Variants in MRPL30 observed in about 807,000 individuals in gnomAD.
MRPL30 encodes the protein mitochondrial ribosomal protein L30.
In MRPL30, 10 loss-of-function variants were observed where a neutral mutation model predicts 17.2. The observed-to-expected ratio is 0.58, with a 90% confidence interval of 0.36 to 0.99. The LOEUF is 0.99. Among genes scored for constraint, MRPL30 ranks in the 50% least tolerant of loss-of-function variants. The probability of loss-of-function intolerance (pLI) is 0.01; values close to 1 mark genes in which losing one functional copy is unlikely to be tolerated. For missense variants in MRPL30, 170 were observed against 189.8 expected, an observed-to-expected ratio of 0.90 and a Z score of 0.61; for synonymous variants, 61 against 62.1, an observed-to-expected ratio of 0.98 and a Z score of 0.08.
chr2:99,194,938 G>C, intron 4 of MRPL30, 41 bp downstream of exon 4: 7 of 1,496,478 alleles, frequency 4.7e-6, no homozygotes, highest in Non-Finnish European at 6.3e-6. Flanking sequence ...TGTTTACATT[G>C]CTTTAAATTT....
rs1278843260 is a variant in MRPL30 at position 99,196,088 on chromosome 2, A to G, written c.*383A>G. 5.4e-6 allele frequency: 1 copy of G among 184,042 alleles called. No homozygotes were observed. The highest frequency in any genetic ancestry group is 1.9e-4 in the East Asian group (1 of 5,338). 11.4% of individuals were successfully genotyped at this position (184,042 alleles called of 1,614,324 possible). A position where few individuals can be genotyped will look rare whatever the true frequency, so the allele number is the denominator to read the frequency against. On this transcript the variant is annotated 3_prime_UTR_variant, in exon 6 of 6. Transcript: ENST00000338148. ...AGGATGAGACTCCATCTCAGGGGAA[A>G]AAAAAAAATTTTTTTTTCACTGACT...
chr2:99,187,445 T>C (rs764809297), intron 2 of MRPL30, among the ~76,000 whole-genome samples: 9 of 152,240 alleles, frequency 5.9e-5, no homozygotes, highest in African/African-American at 7.2e-5. Context: ...TTATTGCACA[T>C]TGTCTAGAGC....
Position 99,186,265 on chromosome 2 carries a change from C to A in MRPL30, c.51+11C>A, listed in dbSNP as rs2093933895. On this transcript the variant is annotated intron_variant, in intron 2 of 5. Transcript: ENST00000338148. ...CCAGGCAGACTACAGGTAAGTGTTT[C>A]TTTTCAAGAATTTGTCTTTTCTACC... The A allele has an allele frequency of 6.2e-7, 1 of 1,612,690 alleles. No homozygotes were observed. The highest frequency in any genetic ancestry group is 1.3e-5 in the African/African-American group (1 of 74,838).
chr2:99,182,058 C>T (rs1489145741), intron 1 of MRPL30, among the ~76,000 whole-genome samples: 2 of 151,970 alleles, frequency 1.3e-5, no homozygotes, highest in East Asian at 3.9e-4. Context: ...TTTTTCATAC[C>T]CCCAGGGGTA....
chr2:99,183,548 G>A (rs1237590674), intron 1 of MRPL30, among the ~76,000 whole-genome samples: 2 of 142,478 alleles, frequency 1.4e-5, no homozygotes, highest in Non-Finnish European at 3.0e-5. Context: ...CAGCCTGGGT[G>A]ACAAAGCGAG....
intron 1 of MRPL30, 73 bp from the exon 2 acceptor site, chr2:99,186,104 A>G (rs2093933483): frequency 2.0e-6 from 2 of 981,130 alleles, no homozygotes; most frequent in African/African-American, 1.6e-5. Context: ...TAGTTTTTTA[A>G]TACTAGAGAA....
chr2:99,190,827 A>G (rs895104162), intron 3 of MRPL30, among the ~76,000 whole-genome samples: 1 of 152,178 alleles, frequency 6.6e-6, no homozygotes, highest in Admixed American at 6.5e-5. Flanking sequence ...TGATGGGTTG[A>G]TAAGTGTAGC....
chr2:99,190,149 C>T (rs1039245911), intron 3 of MRPL30, among the ~76,000 whole-genome samples: 4 of 151,458 alleles, frequency 2.6e-5, no homozygotes, highest in Non-Finnish European at 5.9e-5. Context: ...ATAGTAACTC[C>T]CCATTTTCCC....
At chr2:99,187,440 G>C (rs2093935773) in intron 2 of MRPL30, among the ~76,000 whole-genome samples, 1 of 152,210 alleles carries the variant, frequency 6.6e-6, no homozygotes, top group Non-Finnish European at 1.5e-5. Flanking sequence ...GTGAGTTATT[G>C]CACATTGTCT....
intron 5 of MRPL30, 47 bp from the exon 6 acceptor site, chr2:99,195,526 C>T (rs756097683): frequency 2.9e-5 from 45 of 1,565,246 alleles, no homozygotes; most frequent in Non-Finnish European, 3.4e-5. Context: ...GGATATAGAA[C>T]GCTAGAACGT....
intron 5 of MRPL30, 42 bp downstream of exon 5, chr2:99,195,231 A>G (rs375534723): frequency 2.0e-6 from 3 of 1,501,434 alleles, no homozygotes; most frequent in Non-Finnish European, 2.7e-6. Context: ...TGTATTGCCT[A>G]GTGTAATTCT....
chr2:99,188,552 G>C (rs1226062445), intron 3 of MRPL30, among the ~76,000 whole-genome samples: 1 of 152,002 alleles, frequency 6.6e-6, no homozygotes, highest in African/African-American at 2.4e-5. Flanking sequence ...GAAAGCAGTG[G>C]GTCTTCCTAC....
intron 2 of MRPL30, chr2:99,186,960 A>T: frequency 6.6e-6 from 1 of 152,258 alleles, no homozygotes; most frequent in East Asian, 1.9e-4. Context: ...TAATCTGCTC[A>T]TAAGGGCCAG....
In MRPL30 at chr2:99,186,268, T is replaced by C; in HGVS notation, c.51+14T>C. The C allele has an allele frequency of 6.2e-7, 1 of 1,613,056 alleles. No individual in the cohort carries two copies. The highest frequency in any genetic ancestry group is 2.2e-5 in the East Asian group (1 of 44,876). On this transcript the variant is annotated intron_variant, in intron 2 of 5. Coordinates refer to ENST00000338148, the MANE Select transcript of MRPL30 (RefSeq NM_145212.4). ...GGCAGACTACAGGTAAGTGTTTCTT[T>C]TCAAGAATTTGTCTTTTCTACCCCT...
chr2:99,197,796 G>A lies in MRPL30; in HGVS notation c.*2091G>A, dbSNP rs180785363. Among the ~76,000 whole-genome samples the A allele has an allele frequency of 5.2e-4, 78 of 149,348 alleles. No individual in the cohort carries two copies. The highest frequency in any genetic ancestry group is 1.8e-3 in the African/African-American group (74 of 40,736). Reference sequence around the variant, plus strand: ...GCTAGGACTACAGATACATGCCACCGCTCCCGGCTAGTATTTTTTAAAATT... The same window carrying A: ...GCTAGGACTACAGATACATGCCACCACTCCCGGCTAGTATTTTTTAAAATT... On this transcript the variant is annotated 3_prime_UTR_variant, in exon 6 of 6. Transcript: ENST00000338148.
intron 3 of MRPL30, among the ~76,000 whole-genome samples, chr2:99,189,977 TA>T (rs1483139315): frequency 2.4e-4 from 36 of 149,542 alleles, no homozygotes; most frequent in Non-Finnish European, 3.0e-5. Flanking sequence ...AAAAAAAAAT[TA>T]GATGGGTGTT....
chr2:99,195,308 GT>G (rs200732303), intron 5 of MRPL30, 119 bp downstream of exon 5: 177 of 976,266 alleles, frequency 1.8e-4, no homozygotes, highest in South Asian at 2.1e-4. Context: ...ATTTTATTTT[GT>G]TTTTTTTTAA....
chr2:99,195,431 C>T (rs7605843), intron 5 of MRPL30, 142 bp from the exon 6 acceptor site: 654,175 of 1,019,388 alleles, frequency 0.64, 212,449 homozygotes, highest in East Asian at 0.89. Context: ...CAGACATTTA[C>T]CATTTCTTCA....
rs772518767 is a variant in MRPL30 at position 99,195,957 on chromosome 2, C to A, written c.*252C>A. On this transcript the variant is annotated 3_prime_UTR_variant, in exon 6 of 6. Transcript: ENST00000338148. The stretch of plus-strand genomic sequence containing the variant: ...ATTAGCCAGGCATGGTGGCACATGC[C>A]TGTAACCCAGCTACTCGGGAGGCTG... 14 of 349,320 alleles carry A rather than the reference C, an allele frequency of 4.0e-5. No individual in the cohort carries two copies. Among genetic ancestry groups the A allele is most frequent in the Non-Finnish European group, 6.2e-5 (12 of 192,706 alleles). The allele number at this position is 349,320 out of a possible 1,614,324, so 21.6% of individuals were successfully genotyped here. A position where few individuals can be genotyped will look rare whatever the true frequency, so the allele number is the denominator to read the frequency against.
Sources: gnomAD v4.1 joint callset for allele counts (sites outside exome capture counted in the v4.1 genomes callset) on GRCh38, gnomAD v4.1.1 for gene constraint, MANE v1.5 for transcripts, NCBI Gene and HGNC (gene_info 2026-07-23, HGNC 2026-07-21) for gene names.